Variants in WASHC4 observed in about 807,000 individuals in gnomAD.
The protein encoded by WASHC4 is WASH complex subunit 7.
WASHC4 carries 86 observed loss-of-function variants against 166.6 expected under a neutral mutation model. The observed-to-expected ratio is 0.52, with a 90% CI of 0.43 to 0.62. The LOEUF (loss-of-function observed/expected upper bound fraction) is 0.62, where lower values mean the gene tolerates loss of function less well. Ranked by LOEUF, WASHC4 falls within the 20% of genes least tolerant of loss-of-function variation. WASHC4 has a pLI of 0.00. For synonymous variants in WASHC4, 446 were observed against 451.6 expected, an observed-to-expected ratio of 0.99 and a Z score of 0.16; for missense variants, 1,262 against 1,382.4, an observed-to-expected ratio of 0.91 and a Z score of 1.38.
At chr12:105,151,136 A>C (rs1289781566) in intron 25 of WASHC4, among the ~76,000 whole-genome samples, 1 of 110,734 alleles carries the variant, frequency 9.0e-6, no homozygotes, top group Non-Finnish European at 1.9e-5. Flanking sequence ...CAAGAGCAAG[A>C]CTCTGTCTCA....
intron 23 of WASHC4, among the ~76,000 whole-genome samples, chr12:105,146,840 C>G (rs74547274): frequency 6.6e-6 from 1 of 152,068 alleles, no homozygotes; most frequent in Non-Finnish European, 1.5e-5. Flanking sequence ...TGACCACCAA[C>G]ATGACGCTCA....
intron 25 of WASHC4, 25 bp downstream of exon 25, chr12:105,149,774 T>C: frequency 6.3e-7 from 1 of 1,582,610 alleles, no homozygotes; most frequent in Non-Finnish European, 8.6e-7. Context: ...CTTTTTAAGG[T>C]ATTTGATTAA....
chr12:105,144,168 T>C (rs533444836), intron 20 of WASHC4, 119 bp from the exon 21 acceptor site: 2 of 755,530 alleles, frequency 2.6e-6, no homozygotes, highest in East Asian at 5.2e-5. Flanking sequence ...GACTTAGAAT[T>C]TATGTAACTG....
At chr12:105,149,776 T>C (rs1883588995) in intron 25 of WASHC4, 27 bp downstream of exon 25, 1 of 1,581,870 alleles carries the variant, frequency 6.3e-7, no homozygotes, top group Admixed American at 1.7e-5. Flanking sequence ...TTTTAAGGTA[T>C]TTGATTAAGC....
chr12:105,157,940 G>A (rs1314919964), intron 28 of WASHC4, among the ~76,000 whole-genome samples: 1 of 152,088 alleles, frequency 6.6e-6, no homozygotes, highest in Non-Finnish European at 1.5e-5. Context: ...GTAAGAATAT[G>A]TTTAGAAAAC....
At chr12:105,137,007 C>T (rs185036383) in intron 14 of WASHC4, among the ~76,000 whole-genome samples, 15 of 152,196 alleles carry the variant, frequency 9.9e-5, no homozygotes, top group African/African-American at 3.4e-4. Context: ...ATATCTTCTG[C>T]CCCACCTCCA....
intron 1 of WASHC4, among the ~76,000 whole-genome samples, chr12:105,110,252 C>G (rs536587319): frequency 7.2e-5 from 11 of 152,276 alleles, no homozygotes; most frequent in African/African-American, 2.6e-4. Context: ...AACACACTTT[C>G]TCTTACTTGC....
At chr12:105,133,297 G>A (rs1039519474) in intron 13 of WASHC4, among the ~76,000 whole-genome samples, 1 of 151,970 alleles carries the variant, frequency 6.6e-6, no homozygotes, top group African/African-American at 2.4e-5. Context: ...TGCACTTCTC[G>A]TATATTTGCA....
rs1407388770 is a variant in WASHC4, at chr12:105,133,759, T to G, written c.1200-11T>G. On this transcript the variant is annotated splice_polypyrimidine_tract_variant and intron_variant, in intron 13 of 32. Transcript: ENST00000332180. ...TCTTTGCTGAGTAACCCCAATATTT[T>G]CCTTTGTTAGAGATGTACAGTCTTA... The G allele has an allele frequency of 2.5e-6, 4 of 1,610,606 alleles. No individual in the cohort carries two copies. The highest frequency in any genetic ancestry group is 1.7e-5 in the Admixed American group (1 of 59,974).
rs199699095 is a variant in WASHC4 at position 105,141,200 on chromosome 12, C to A, written c.1741C>A (p.Gln581Lys). 2 of 1,613,402 alleles carry A rather than the reference C, an allele frequency of 1.2e-6. No individual in the cohort carries two copies. The highest frequency in any genetic ancestry group is 2.2e-5 in the South Asian group (2 of 91,038). The change falls in exon 18 of 33, where the codon CAA (glutamine) becomes AAA (lysine). Residue 581 changes from glutamine to lysine, a missense_variant. Transcript: ENST00000332180. ...TAAAGATGAAGAACTCTTTCCACTT[C>A]AAGTAGTCATGAAAAAACTGGATCT... The part of the protein sequence containing the change: ...TFKDEELFPL[Q>K]VVMKKLDLIS...
At chr12:105,129,237 C>T (rs909677416) in intron 13 of WASHC4, among the ~76,000 whole-genome samples, 11 of 152,200 alleles carry the variant, frequency 7.2e-5, no homozygotes, top group Admixed American at 7.2e-4. Context: ...AGCCACCGCG[C>T]CAACGCCTGG....
At chr12:105,162,284 G>C (rs757189838) in intron 29 of WASHC4, among the ~76,000 whole-genome samples, 6 of 152,172 alleles carry the variant, frequency 3.9e-5, no homozygotes, top group African/African-American at 7.2e-5. Context: ...TAGTATTTTC[G>C]AATGAATTAG....
At chr12:105,131,094 T>A (rs566383349) in intron 13 of WASHC4, among the ~76,000 whole-genome samples, 2 of 150,474 alleles carry the variant, frequency 1.3e-5, no homozygotes, top group East Asian at 1.9e-4. Flanking sequence ...TTTTTTTTTT[T>A]TTTGAGACGG....
At chr12:105,124,817 T>G (rs1287832987) in intron 10 of WASHC4, among the ~76,000 whole-genome samples, 1 of 152,204 alleles carries the variant, frequency 6.6e-6, no homozygotes, top group Non-Finnish European at 1.5e-5. Flanking sequence ...CAAGTCTGTT[T>G]AATTCTTCCT....
At chr12:105,109,648 T>C (rs959469654) in intron 1 of WASHC4, among the ~76,000 whole-genome samples, 1 of 142,812 alleles carries the variant, frequency 7.0e-6, no homozygotes, top group Non-Finnish European at 1.5e-5. Flanking sequence ...TCTAGCATTG[T>C]CTTTTTTTTT....
In WASHC4 at chr12:105,168,645, G is replaced by T. The variant is rs1308113221; in HGVS notation, c.*1714G>T. ...AATTATTTTATCAATACTAGATAGAGTTCACATGCTGACTCCCTGGATACC... is the reference window on the plus strand; with the variant it reads ...AATTATTTTATCAATACTAGATAGATTTCACATGCTGACTCCCTGGATACC... On this transcript the variant is annotated 3_prime_UTR_variant, in exon 33 of 33. Coordinates refer to ENST00000332180, the MANE Select transcript of WASHC4 (RefSeq NM_015275.3). 6.6e-6 allele frequency: 1 copy of T among 151,854 alleles called. No homozygotes were observed. The highest frequency in any genetic ancestry group is 1.5e-5 in the Non-Finnish European group (1 of 67,906). 9.4% of individuals were successfully genotyped at this position (151,854 alleles called of 1,614,324 possible).
chr12:105,140,877 GT>G, intron 16 of WASHC4, 21 bp from the exon 17 acceptor site: 1 of 1,610,702 alleles, frequency 6.2e-7, no homozygotes, highest in Non-Finnish European at 8.5e-7. Flanking sequence ...GAAACAAATA[GT>G]TTTCCTGTTT....
intron 13 of WASHC4, among the ~76,000 whole-genome samples, chr12:105,133,069 G>A (rs1882004581): frequency 6.6e-6 from 1 of 152,014 alleles, no homozygotes; most frequent in Admixed American, 6.6e-5. Context: ...ACTTTGCTCA[G>A]ATCCTCTAGT....
intron 22 of WASHC4, among the ~76,000 whole-genome samples, chr12:105,145,228 A>G (rs1047792522): frequency 2.5e-4 from 38 of 152,104 alleles, no homozygotes; most frequent in South Asian, 6.2e-4. Flanking sequence ...TGGTTATAGT[A>G]TATAAAATTT....
Sources: allele counts gnomAD v4.1 joint callset (sites outside exome capture counted in the v4.1 genomes callset), GRCh38; gene constraint gnomAD v4.1.1; transcripts MANE v1.5; gene names NCBI Gene and HGNC (gene_info 2026-07-23, HGNC 2026-07-21).